The following ATG5 variants were observed in gnomAD, a reference collection of about 807,000 sequenced individuals.
ATG5 encodes the protein autophagy related 5, also known as autophagy protein 5.
Under a neutral mutation model 36.5 loss-of-function variants are expected in ATG5, and 14 were observed. The ratio of observed to expected loss-of-function variants is 0.38; its 90% confidence interval spans 0.25 to 0.60. ATG5 has a LOEUF of 0.60. Ranked by LOEUF, ATG5 falls within the 20% of genes least tolerant of loss-of-function variation. ATG5 has a pLI of 0.60. For missense variants in ATG5, 195 were observed against 326.7 expected (o/e 0.60, Z 3.11); for synonymous variants, 95 against 101.5 (o/e 0.94, Z 0.38).
intron 6 of ATG5, among the ~76,000 whole-genome samples, chr6:106,243,888 A>G (rs992702491): frequency 4.0e-5 from 6 of 148,596 alleles, no homozygotes; most frequent in East Asian, 2.0e-4. Flanking sequence ...TAAAACAAAG[A>G]TAAGTAGGAA....
chr6:106,308,109 A>C (rs149280367), intron 3 of ATG5, among the ~76,000 whole-genome samples: 18 of 152,288 alleles, frequency 1.2e-4, no homozygotes, highest in African/African-American at 4.1e-4. Flanking sequence ...CCCATAACCA[A>C]ATATATTCTT....
At chr6:106,315,991 T>A in intron 2 of ATG5, 110 bp downstream of exon 2, 1 of 803,694 alleles carries the variant, frequency 1.2e-6, no homozygotes, top group African/African-American at 1.8e-5. Flanking sequence ...AAAATAAGCA[T>A]GAATTAGCTG....
chr6:106,271,695 T>C (rs1307293552), intron 5 of ATG5: 1 of 152,106 alleles, frequency 6.6e-6, no homozygotes, highest in African/African-American at 2.4e-5. Context: ...TAATTGCTAA[T>C]GGCAAACAGC....
Position 106,246,349 on chromosome 6 carries a change from A to G in ATG5, c.573+1801T>C, listed in dbSNP as rs530159182. Among the ~76,000 whole-genome samples the G allele has an allele frequency of 1.4e-4, 21 of 150,868 alleles. No homozygotes were observed. The East Asian group carries it at 3.5e-3, about 25-fold the overall frequency. The stretch of plus-strand genomic sequence containing the variant: ...TCTATCTAATTATAGCACTTTATAA[A>G]AACCATTCTCTCTCTGTCTCTGTCT... On this transcript the variant is annotated intron_variant, in intron 6 of 7. Transcript: ENST00000369076.
intron 4 of ATG5, among the ~76,000 whole-genome samples, chr6:106,291,627 TA>T (rs1258425315): frequency 6.6e-6 from 1 of 152,226 alleles, no homozygotes; most frequent in Non-Finnish European, 1.5e-5. Flanking sequence ...TTTTAGAGCT[TA>T]TTTTTCACAC....
chr6:106,278,593 T>C (rs1779750805), intron 5 of ATG5, among the ~76,000 whole-genome samples: 1 of 152,230 alleles, frequency 6.6e-6, no homozygotes, highest in African/African-American at 2.4e-5. Context: ...GGCAGCCATG[T>C]CAACATTTCC....
chr6:106,301,701 ATTTCAGAT>A (rs1770213278), intron 3 of ATG5, among the ~76,000 whole-genome samples: 2 of 152,212 alleles, frequency 1.3e-5, no homozygotes, highest in South Asian at 2.1e-4. Flanking sequence ...AGCATTTCGC[ATTTCAGAT>A]TTTCAGATTT....
chr6:106,248,262 A>G lies in ATG5; in HGVS notation c.479-18T>C, dbSNP rs1562235593. 1 of 1,546,476 alleles carries G rather than the reference A, an allele frequency of 6.5e-7. No homozygotes were observed. The highest frequency in any genetic ancestry group is 1.7e-5 in the Admixed American group (1 of 59,482). ...AAATCTGTCTGTAATGATATAAATT[A>G]TTTGTTATTAAAAATGAACAACATT... On this transcript the variant is annotated intron_variant, in intron 5 of 7. Transcript: ENST00000369076.
chr6:106,313,633 G>C (rs1437388981), intron 2 of ATG5, among the ~76,000 whole-genome samples: 2 of 152,128 alleles, frequency 1.3e-5, no homozygotes, highest in African/African-American at 4.8e-5. Context: ...AAAACATAAT[G>C]CTCAGTGATA....
chr6:106,283,036 C>CT (rs1438456076), intron 4 of ATG5, among the ~76,000 whole-genome samples: 8 of 152,108 alleles, frequency 5.3e-5, no homozygotes, highest in African/African-American at 7.2e-5. Flanking sequence ...AGTAATCCTC[C>CT]TGGTTCAGCC....
intron 6 of ATG5, among the ~76,000 whole-genome samples, chr6:106,233,603 T>A (rs1169114281): frequency 6.6e-6 from 1 of 152,210 alleles, no homozygotes; most frequent in South Asian, 2.1e-4. Flanking sequence ...CCTCATTGTT[T>A]ATGGGTAGTG....
intron 7 of ATG5, among the ~76,000 whole-genome samples, chr6:106,194,432 G>A (rs1349191897): frequency 1.3e-5 from 2 of 151,950 alleles, no homozygotes; most frequent in Non-Finnish European, 2.9e-5. Flanking sequence ...ACTGCTTCAT[G>A]TCTGAAAAAA....
chr6:106,258,953 C>T (rs967980657), intron 5 of ATG5, among the ~76,000 whole-genome samples: 1 of 152,128 alleles, frequency 6.6e-6, no homozygotes, highest in African/African-American at 2.4e-5. Context: ...TCAACATGTT[C>T]ATTAAGCCAT....
chr6:106,286,814 G>A (rs1780097422), intron 4 of ATG5, among the ~76,000 whole-genome samples: 1 of 152,164 alleles, frequency 6.6e-6, no homozygotes, highest in African/African-American at 2.4e-5. Flanking sequence ...CCAACAAGAA[G>A]ATAGGCCCCT....
intron 3 of ATG5, among the ~76,000 whole-genome samples, chr6:106,299,573 C>A (rs999800108): frequency 6.6e-6 from 1 of 152,150 alleles, no homozygotes; most frequent in African/African-American, 2.4e-5. Context: ...TGTTCTTTTT[C>A]TTCTTTACAT....
At chr6:106,310,586 A>G (rs1296113117) in intron 2 of ATG5, among the ~76,000 whole-genome samples, 7 of 151,996 alleles carry the variant, frequency 4.6e-5, no homozygotes, top group Non-Finnish European at 1.5e-5. Flanking sequence ...TATAAAATTT[A>G]CCATTTAAAC....
chr6:106,188,875 A>G (rs567619414), intron 7 of ATG5, among the ~76,000 whole-genome samples: 2 of 152,208 alleles, frequency 1.3e-5, no homozygotes, highest in Non-Finnish European at 2.9e-5. Flanking sequence ...CACTGCCTAC[A>G]TATGTCCAAA....
At chr6:106,307,878 C>G (rs138582511) in intron 3 of ATG5, among the ~76,000 whole-genome samples, 1 of 152,014 alleles carries the variant, frequency 6.6e-6, no homozygotes, top group Non-Finnish European at 1.5e-5. Context: ...TTATTTTTCA[C>G]GTAAAAAGGA....
chr6:106,220,930 A>G (rs1582567159), intron 6 of ATG5, among the ~76,000 whole-genome samples: 1 of 152,246 alleles, frequency 6.6e-6, no homozygotes, highest in African/African-American at 2.4e-5. Flanking sequence ...AAAATGCACT[A>G]ATGACATAAA....
Sources: gnomAD v4.1 joint callset for allele counts (sites outside exome capture counted in the v4.1 genomes callset) on GRCh38, gnomAD v4.1.1 for gene constraint, MANE v1.5 for transcripts, NCBI Gene and HGNC (gene_info 2026-07-23, HGNC 2026-07-21) for gene names.